The following POLD3 variants were observed in gnomAD, a reference collection of about 807,000 sequenced individuals.
POLD3 encodes DNA polymerase delta subunit 3.
In POLD3, 19 loss-of-function variants were observed where a neutral mutation model predicts 58.2. The observed-to-expected ratio is 0.33, with a 90% CI of 0.23 to 0.48. POLD3 has a LOEUF of 0.48. Ranked by LOEUF, POLD3 falls within the 20% of genes least tolerant of loss-of-function variation. The pLI is 0.99. For synonymous variants in POLD3, 172 were observed against 193.5 expected (o/e 0.89, Z 0.92); for missense variants, 504 against 545.5 (o/e 0.92, Z 0.76).
Position 74,641,548 on chromosome 11 carries a change from C to T in POLD3, c.*782C>T, listed in dbSNP as rs1159002984. On this transcript the variant is annotated 3_prime_UTR_variant, in exon 12 of 12. Transcript: ENST00000263681. ...TGGAGGAGCTGCCGTGCTGCTGATACGGGGTGTGCTTTATGCTGCTCTTTG... is the reference window on the plus strand; with the variant it reads ...TGGAGGAGCTGCCGTGCTGCTGATATGGGGTGTGCTTTATGCTGCTCTTTG... The T allele has an allele frequency of 1.0e-5, 10 of 985,328 alleles. No individual in the cohort carries two copies. The highest frequency in any genetic ancestry group is 1.1e-4 in the East Asian group (1 of 8,826). 61.0% of individuals were successfully genotyped at this position (985,328 alleles called of 1,614,324 possible). A position where few individuals can be genotyped will look rare whatever the true frequency, so the allele number is the denominator to read the frequency against.
At chr11:74,635,810 A>G (rs140029536) in intron 10 of POLD3, among the ~76,000 whole-genome samples, 3 of 152,304 alleles carry the variant, frequency 2.0e-5, no homozygotes, top group African/African-American at 4.8e-5. Context: ...CTCCCATAAT[A>G]TCTGTCTCAG....
At chr11:74,604,509 C>T (rs1293406046) in intron 2 of POLD3, 183 bp from the exon 3 acceptor site, 9 of 561,190 alleles carry the variant, frequency 1.6e-5, no homozygotes, top group Non-Finnish European at 2.2e-5. Context: ...CTCTACTCCC[C>T]ATGTCCTGTC....
rs58331480 is a variant in POLD3, at chr11:74,653,333, A to ACACACACACACACACACATG, written c.370-15444_370-15443insCACACACACACACACACATG. 4.3e-3 allele frequency among the ~76,000 whole-genome samples: 651 copies of ACACACACACACACACACATG among 151,808 alleles called. 1 individual carries two copies. The highest frequency in any genetic ancestry group is 7.9e-3 in the South Asian group (38 of 4,802). On this transcript the variant is annotated intron_variant, in intron 4 of 4. Coordinates refer to the POLD3 transcript ENST00000524752. ...ATACCTAAGAGAGATACACACACAC[A>ACACACACACACACACACATG]TAGTGTGGTCCATAACATAAGTAGA... is the stretch of plus-strand genomic sequence containing the variant.
chr11:74,604,957 A>G (rs575456089), intron 3 of POLD3, among the ~76,000 whole-genome samples, 163 bp downstream of exon 3: 17 of 152,340 alleles, frequency 1.1e-4, no homozygotes, highest in Admixed American at 9.8e-4. Context: ...TAAATCTAAA[A>G]CTGAGAAGTT....
intron 2 of POLD3, among the ~76,000 whole-genome samples, chr11:74,602,787 C>A (rs1402458715): frequency 1.3e-5 from 2 of 152,248 alleles, no homozygotes; most frequent in Non-Finnish European, 2.9e-5. Context: ...CTCTCCCCTA[C>A]TACCGTCCTT....
At chr11:74,645,612 C>T (rs2032989092), downstream of POLD3, among the ~76,000 whole-genome samples, 3 of 152,302 alleles carry the variant, frequency 2.0e-5, no homozygotes, top group South Asian at 6.2e-4. Flanking sequence ...ATGAGCTACC[C>T]ACCTACCTTA....
At chr11:74,668,178 A>G (rs561812334) in intron 4 of POLD3, among the ~76,000 whole-genome samples, 2 of 152,320 alleles carry the variant, frequency 1.3e-5, no homozygotes, top group Admixed American at 1.3e-4. Flanking sequence ...AGTTCCTCAA[A>G]ATGTTAAATA....
chr11:74,618,458 G>GT (rs367865328), intron 5 of POLD3, 79 bp from the exon 6 acceptor site: 28,700 of 854,462 alleles, frequency 0.034, 3 homozygotes, highest in South Asian at 0.041. Flanking sequence ...ACTGACATTA[G>GT]TTTTTTTTTT....
chr11:74,615,158 T>C lies in POLD3; in HGVS notation c.392+2148T>C, dbSNP rs570057025. The stretch of plus-strand genomic sequence containing the variant: ...GCAAATTATTTAACCTCTCAGTGCC[T>C]CCCTGTTCTTGTCAGTAAAGCTGAC... On this transcript the variant is annotated intron_variant, in intron 5 of 11. Transcript: ENST00000263681. Among the ~76,000 whole-genome samples, 81 of 152,318 alleles carry C rather than the reference T, an allele frequency of 5.3e-4. 1 individual carries two copies. The highest frequency in any genetic ancestry group is 3.4e-3 in the Middle Eastern group (1 of 294).
At chr11:74,645,485 C>T (rs116614196), downstream of POLD3, among the ~76,000 whole-genome samples, 267 of 152,254 alleles carry the variant, frequency 1.8e-3, no homozygotes, top group African/African-American at 6.1e-3. Flanking sequence ...GGCAGGATGC[C>T]GGGATGGAAA....
intron 3 of POLD3, among the ~76,000 whole-genome samples, chr11:74,610,207 C>CT (rs921257855): frequency 1.5e-3 from 208 of 141,886 alleles, no homozygotes; most frequent in South Asian, 2.7e-3. Flanking sequence ...ACCACTTGCC[C>CT]TTTTTTTTTT....
chr11:74,647,349 T>C (rs896559608), downstream of POLD3, among the ~76,000 whole-genome samples: 3 of 152,218 alleles, frequency 2.0e-5, no homozygotes, highest in African/African-American at 7.2e-5. Context: ...TCCCTCTTAG[T>C]TGTGTTCTAT....
downstream of POLD3, among the ~76,000 whole-genome samples, chr11:74,644,817 T>C (rs2032979484): frequency 6.6e-6 from 1 of 152,236 alleles, no homozygotes; most frequent in Non-Finnish European, 1.5e-5. Context: ...TATTCAGAGT[T>C]CTTCATGGCT....
At chr11:74,598,638 T>A (rs1478888487) in intron 2 of POLD3, among the ~76,000 whole-genome samples, 1 of 152,204 alleles carries the variant, frequency 6.6e-6, no homozygotes, top group Non-Finnish European at 1.5e-5. Flanking sequence ...CATGTCTGGC[T>A]GTTGATTCTG....
chr11:74,657,692 T>A (rs556405913), intron 4 of POLD3, among the ~76,000 whole-genome samples: 104 of 152,242 alleles, frequency 6.8e-4, no homozygotes, highest in Non-Finnish European at 1.1e-3. Context: ...ACACCACAGT[T>A]ACAGTGTTAT....
intron 7 of POLD3, among the ~76,000 whole-genome samples, chr11:74,623,494 G>A (rs2032329862): frequency 6.6e-6 from 1 of 152,144 alleles, no homozygotes; most frequent in Non-Finnish European, 1.5e-5. Context: ...GACTGGGGTT[G>A]AGGAGGAATG....
intron 2 of POLD3, among the ~76,000 whole-genome samples, chr11:74,601,365 C>G (rs989864689): frequency 1.3e-5 from 2 of 152,162 alleles, no homozygotes; most frequent in African/African-American, 4.8e-5. Flanking sequence ...CTGACTAGGG[C>G]ACCTTTTTGT....
rs1288634703 is a variant in POLD3, at chr11:74,641,085, C to T, written c.*319C>T. 2 of 1,028,842 alleles carry T rather than the reference C, an allele frequency of 1.9e-6. No homozygotes were observed. Among genetic ancestry groups the T allele is most frequent in the Non-Finnish European group, 2.3e-6 (2 of 858,936 alleles). The allele number at this position is 1,028,842 out of a possible 1,614,324, so 63.7% of individuals were successfully genotyped here. Reference sequence around the variant, plus strand: ...CTGAAGCCATTTAGTGGCTAACCCACTGTGCTCCACTCACCCTATGCCCTG... The same window carrying T: ...CTGAAGCCATTTAGTGGCTAACCCATTGTGCTCCACTCACCCTATGCCCTG... On this transcript the variant is annotated 3_prime_UTR_variant, in exon 12 of 12. Transcript: ENST00000263681.
At chr11:74,605,777 T>A (rs957573732) in intron 3 of POLD3, among the ~76,000 whole-genome samples, 1 of 152,164 alleles carries the variant, frequency 6.6e-6, no homozygotes, top group East Asian at 1.9e-4. Context: ...GTCCCCAGCA[T>A]GTGAGATTTA....
Sources: gnomAD v4.1 joint callset for allele counts (sites outside exome capture counted in the v4.1 genomes callset) on GRCh38, gnomAD v4.1.1 for gene constraint, MANE v1.5 for transcripts, NCBI Gene and HGNC (gene_info 2026-07-23, HGNC 2026-07-21) for gene names.